LDLRAD3: variants seen among roughly 807,000 people sequenced by gnomAD.
LDLRAD3 encodes low-density lipoprotein receptor class A domain-containing protein 3.
In LDLRAD3, 20 loss-of-function variants were observed where a neutral mutation model predicts 29.4. The ratio of observed to expected loss-of-function variants is 0.68; its 90% CI spans 0.48 to 0.99. The LOEUF (loss-of-function observed/expected upper bound fraction) is 0.99. LDLRAD3 is among the 50% of genes least tolerant of loss of function. The probability of loss-of-function intolerance (pLI) is 0.00; values close to 1 mark genes in which losing one functional copy is unlikely to be tolerated. For missense variants in LDLRAD3, 420 were observed against 454.3 expected, an observed-to-expected ratio of 0.92 and a Z score of 0.69; for synonymous variants, 157 against 192.7, an observed-to-expected ratio of 0.81 and a Z score of 1.53.
intron 3 of LDLRAD3, among the ~76,000 whole-genome samples, chr11:36,084,256 ACCC>A: frequency 6.6e-6 from 1 of 152,280 alleles, no homozygotes; most frequent in Non-Finnish European, 1.5e-5. Flanking sequence ...AGTAAATTAT[ACCC>A]ATTCCAAACT....
chr11:36,209,011 C>T (rs894683399), intron 4 of LDLRAD3, among the ~76,000 whole-genome samples: 2 of 152,164 alleles, frequency 1.3e-5, no homozygotes, highest in African/African-American at 4.8e-5. Context: ...TTCAGGTATC[C>T]CCTGATGGGA....
At chr11:35,976,399 A>G (rs991204862) in intron 1 of LDLRAD3, among the ~76,000 whole-genome samples, 1 of 152,014 alleles carries the variant, frequency 6.6e-6, no homozygotes, top group Non-Finnish European at 1.5e-5. Context: ...GACTTTATGG[A>G]TGTTGGAGCT....
At chr11:36,144,537 T>C (rs1269123207) in intron 4 of LDLRAD3, among the ~76,000 whole-genome samples, 1 of 144,788 alleles carries the variant, frequency 6.9e-6, no homozygotes, top group African/African-American at 2.6e-5. Context: ...GCCTCTGCCC[T>C]GCCGCCCCGT....
At chr11:36,005,586 C>G (rs752246980) in intron 1 of LDLRAD3, among the ~76,000 whole-genome samples, 5 of 152,192 alleles carry the variant, frequency 3.3e-5, no homozygotes, top group African/African-American at 4.8e-5. Flanking sequence ...CCAAACTATT[C>G]CAACCTCTGC....
intron 1 of LDLRAD3, among the ~76,000 whole-genome samples, chr11:36,007,894 C>G (rs1240836367): frequency 6.6e-6 from 1 of 152,012 alleles, no homozygotes; most frequent in Non-Finnish European, 1.5e-5. Context: ...TTTTCCATGG[C>G]TATGTTTTTG....
intron 2 of LDLRAD3, among the ~76,000 whole-genome samples, chr11:36,070,842 G>A (rs2133245180): frequency 6.6e-6 from 1 of 152,146 alleles, no homozygotes; most frequent in East Asian, 1.9e-4. Context: ...TGGCAAGTAG[G>A]ACAGTCCTAA....
chr11:36,141,038 G>A (rs990099728), intron 4 of LDLRAD3, among the ~76,000 whole-genome samples: 10 of 55,686 alleles, frequency 1.8e-4, no homozygotes, highest in East Asian at 1.1e-3. Context: ...CTCTCTCTCC[G>A]TGTGGGGGTG....
At chr11:36,044,536 C>T (rs534667137) in intron 2 of LDLRAD3, among the ~76,000 whole-genome samples, 1 of 152,328 alleles carries the variant, frequency 6.6e-6, no homozygotes, top group South Asian at 2.1e-4. Context: ...TTCCCCTTCC[C>T]ACGCCCGGTC....
intron 4 of LDLRAD3, among the ~76,000 whole-genome samples, chr11:36,129,783 C>A (rs1231247298): frequency 5.3e-5 from 8 of 152,332 alleles, no homozygotes; most frequent in Non-Finnish European, 1.0e-4. Flanking sequence ...CCCCAATCCA[C>A]CCACCTCCTC....
chr11:36,006,807 C>A (rs955441965), intron 1 of LDLRAD3, among the ~76,000 whole-genome samples: 2 of 152,252 alleles, frequency 1.3e-5, no homozygotes, highest in Non-Finnish European at 2.9e-5. Flanking sequence ...GGTGAAATTG[C>A]CTTATGGGCT....
intron 4 of LDLRAD3, among the ~76,000 whole-genome samples, chr11:36,150,225 T>C (rs1307015603): frequency 6.6e-6 from 1 of 152,112 alleles, no homozygotes; most frequent in Non-Finnish European, 1.5e-5. Flanking sequence ...TGAATATTAC[T>C]CTTTAAAGAT....
intron 4 of LDLRAD3, among the ~76,000 whole-genome samples, chr11:36,178,826 A>G (rs1854715688): frequency 6.6e-6 from 1 of 152,178 alleles, no homozygotes; most frequent in Admixed American, 6.5e-5. Context: ...CATCCATAGC[A>G]TGTAATTTAT....
chr11:36,136,545 G>C (rs1010560686), intron 4 of LDLRAD3, among the ~76,000 whole-genome samples: 6 of 152,066 alleles, frequency 3.9e-5, no homozygotes, highest in African/African-American at 1.4e-4. Flanking sequence ...GCCAGACTCT[G>C]TCTTACTTGC....
intron 1 of LDLRAD3, among the ~76,000 whole-genome samples, chr11:36,004,885 C>T (rs1447848455): frequency 6.6e-6 from 1 of 152,230 alleles, no homozygotes; most frequent in Non-Finnish European, 1.5e-5. Context: ...ACAGCTTGAG[C>T]TGTACCTTGG....
intron 1 of LDLRAD3, among the ~76,000 whole-genome samples, chr11:36,034,617 C>A (rs1852280659): frequency 6.6e-6 from 1 of 152,126 alleles, no homozygotes; most frequent in African/African-American, 2.4e-5. Flanking sequence ...TGCAACAAGG[C>A]CGGTGGGGTG....
intron 1 of LDLRAD3, among the ~76,000 whole-genome samples, chr11:36,008,622 C>T (rs1166590624): frequency 6.6e-6 from 1 of 152,124 alleles, no homozygotes; most frequent in African/African-American, 2.4e-5. Flanking sequence ...TCTGTATGTG[C>T]CTGTGTCAAT....
At chr11:36,060,409 T>C (rs529803474) in intron 2 of LDLRAD3, among the ~76,000 whole-genome samples, 5 of 150,618 alleles carry the variant, frequency 3.3e-5, no homozygotes, top group South Asian at 4.2e-4. Context: ...CATGTAGCCA[T>C]GTAGCTAGAA....
intron 1 of LDLRAD3, among the ~76,000 whole-genome samples, chr11:35,960,715 G>A (rs1417677480): frequency 2.6e-5 from 4 of 152,186 alleles, no homozygotes; most frequent in Admixed American, 2.6e-4. Context: ...CTCTGCCTCA[G>A]CCACCTTAGT....
intron 4 of LDLRAD3, among the ~76,000 whole-genome samples, chr11:36,107,054 G>A (rs1853538998): frequency 6.6e-6 from 1 of 152,220 alleles, no homozygotes; most frequent in Admixed American, 6.5e-5. Flanking sequence ...GAAGCCAGCA[G>A]AGCCACAGCC....
Sources: gnomAD v4.1 joint callset for allele counts (sites outside exome capture counted in the v4.1 genomes callset) on GRCh38, gnomAD v4.1.1 for gene constraint, MANE v1.5 for transcripts, NCBI Gene and HGNC (gene_info 2026-07-23, HGNC 2026-07-21) for gene names.